The following XIST variants were observed in gnomAD, a reference collection of about 807,000 sequenced individuals.
XIST encodes X inactive specific transcript, also known as X inactive specific transcript (non-protein coding).
exon 6 of XIST, chrX:73,820,657 T>C: frequency 1.9e-6 from 1 of 515,759 alleles, no homozygotes; most frequent in Non-Finnish European, 3.5e-6. Flanking sequence ...AATACAAAGT[T>C]TTCAAAACAG....
chrX:73,822,272 T>C (rs1922137840), exon 6 of XIST: 1 of 556,509 alleles, frequency 1.8e-6, no homozygotes, highest in Non-Finnish European at 3.2e-6. Context: ...AGGAGCAAGC[T>C]CACTACAAAA....
At position 73,831,282 on chromosome X, in the gene XIST, G is replaced by A. The variant is rs1239307303; in HGVS notation, n.11544-8C>T. On this transcript the variant is annotated splice_polypyrimidine_tract_variant and splice_region_variant and intron_variant and non_coding_transcript_variant, in intron 3 of 5. Coordinates refer to ENST00000429829, the Ensembl canonical transcript of XIST. Reference sequence around the variant, plus strand: ...TATTCTTCTGAGGAAGATCTGAAAAGAGATAAAAGAAAAAGTATTGAAATG... The same window carrying A: ...TATTCTTCTGAGGAAGATCTGAAAAAAGATAAAAGAAAAAGTATTGAAATG... The A allele has an allele frequency of 5.8e-6, 3 of 517,205 alleles. No individual in the cohort carries two copies. The East Asian group carries it at 1.0e-4, about 18-fold the overall frequency. The allele number at this position is 517,205 out of a possible 1,213,427, so 42.6% of individuals were successfully genotyped here.
exon 6 of XIST, chrX:73,823,062 T>A: frequency 1.8e-6 from 1 of 553,015 alleles, no homozygotes. Context: ...ATCTTTTTTT[T>A]ATTGCTCATA....
intron 1 of XIST, among the ~76,000 whole-genome samples, chrX:73,838,493 G>GA (rs1175135871): frequency 2.7e-5 from 3 of 109,908 alleles, no homozygotes; most frequent in African/African-American, 9.9e-5. Flanking sequence ...ATCCTAACAT[G>GA]AAAAAAAATA....
At position 73,842,066 on chromosome X, in the gene XIST, G is replaced by A. The variant is rs182069786; in HGVS notation, n.10658C>T. Reference sequence around the variant, plus strand: ...CAGACCCACCACCCTCAGTTAAAATGAGAGACACTGGTCACCAGGTACATA... The same window carrying A: ...CAGACCCACCACCCTCAGTTAAAATAAGAGACACTGGTCACCAGGTACATA... On this transcript the variant is annotated non_coding_transcript_exon_variant, in exon 1 of 6. Transcript: ENST00000429829. The A allele has an allele frequency of 3.8e-5, 21 of 547,819 alleles. No individual in the cohort carries two copies. In the East Asian group the frequency reaches 6.9e-4, roughly 18 times the overall value. 45.1% of individuals were successfully genotyped at this position (547,819 alleles called of 1,213,427 possible).
exon 6 of XIST, chrX:73,825,998 G>A (rs750242984): frequency 1.8e-6 from 1 of 558,878 alleles, no homozygotes. Flanking sequence ...CAAATTATTT[G>A]GCCACTACTA....
exon 6 of XIST, chrX:73,827,166 G>A: frequency 1.8e-6 from 1 of 558,605 alleles, no homozygotes; most frequent in Non-Finnish European, 3.2e-6. Context: ...CTAGGGCCTT[G>A]TTTTGGTCTT....
intron 2 of XIST, among the ~76,000 whole-genome samples, chrX:73,834,013 GCCAAA>G: frequency 9.0e-6 from 1 of 111,599 alleles, no homozygotes. Flanking sequence ...CTTTAAAAAG[GCCAAA>G]CTGTTCTATG....
exon 6 of XIST, chrX:73,827,103 C>A: frequency 3.6e-6 from 2 of 558,780 alleles, no homozygotes; most frequent in Middle Eastern, 6.2e-4. Context: ...GGCCTTCTAT[C>A]CATATGAGCC....
chrX:73,845,499 A>G (rs1922729678), exon 1 of XIST: 3 of 556,182 alleles, frequency 5.4e-6, no homozygotes, highest in African/African-American at 2.3e-5. Flanking sequence ...GGTGGAAGGG[A>G]AAGGAAGATT....
rs1366512845 is a variant in XIST at position 73,827,817 on chromosome X, G to A, written n.12084C>T. Reference sequence around the variant, plus strand: ...GAAATAGCAACAAAATGAAAAATGAGAGATATGTCTAAGACAAGACACAGA... The same window carrying A: ...GAAATAGCAACAAAATGAAAAATGAAAGATATGTCTAAGACAAGACACAGA... On this transcript the variant is annotated non_coding_transcript_exon_variant, in exon 6 of 6. Coordinates refer to ENST00000429829, the Ensembl canonical transcript of XIST. The A allele has an allele frequency of 1.3e-5, 7 of 531,382 alleles. No homozygotes were observed. In the Admixed American group the frequency reaches 1.7e-4, roughly 13 times the overall value. The allele number at this position is 531,382 out of a possible 1,213,427, so 43.8% of individuals were successfully genotyped here. A position where few individuals can be genotyped will look rare whatever the true frequency, so the allele number is the denominator to read the frequency against.
At chrX:73,841,847 T>C in exon 1 of XIST, 1 of 514,229 alleles carries the variant, frequency 1.9e-6, no homozygotes, top group Non-Finnish European at 3.5e-6. Context: ...TGTTCCCTCA[T>C]TTAATCGTTT....
chrX:73,850,377 T>G (rs774128417), exon 1 of XIST: 2 of 535,294 alleles, frequency 3.7e-6, no homozygotes, highest in South Asian at 4.9e-5. Flanking sequence ...AAGTGAATTC[T>G]ACAAATAAAG....
chrX:73,848,879 A>G (rs191943671), exon 1 of XIST: 50 of 555,663 alleles, frequency 9.0e-5, no homozygotes, highest in African/African-American at 8.3e-4. Flanking sequence ...GGTAGTTCAC[A>G]CTATCTAGGA....
At chrX:73,826,965 A>G (rs1212260465) in exon 6 of XIST, 1 of 558,421 alleles carries the variant, frequency 1.8e-6, no homozygotes, top group Non-Finnish European at 3.2e-6. Flanking sequence ...AATTCAGGCC[A>G]CCCTCTGTTT....
In XIST at chrX:73,844,730, G is replaced by A. The variant is rs771372847; in HGVS notation, n.7994C>T. 6 of 557,144 alleles carry A rather than the reference G, an allele frequency of 1.1e-5. No individual in the cohort carries two copies. In the Admixed American group the frequency reaches 1.3e-4, roughly 12 times the overall value. The allele number at this position is 557,144 out of a possible 1,213,427, so 45.9% of individuals were successfully genotyped here. A position where few individuals can be genotyped will look rare whatever the true frequency, so the allele number is the denominator to read the frequency against. The stretch of plus-strand genomic sequence containing the variant: ...CACACATAACAGGCCAGGAAAATGG[G>A]CCTTGGTTATCAGCACCCCTGCTGT... On this transcript the variant is annotated non_coding_transcript_exon_variant, in exon 1 of 6. Transcript: ENST00000429829.
At chrX:73,821,489 A>C in exon 6 of XIST, 1 of 557,281 alleles carries the variant, frequency 1.8e-6, no homozygotes. Flanking sequence ...TTGGACAAAA[A>C]TAATACTTTT....
exon 1 of XIST, chrX:73,851,895 G>A (rs749065250): frequency 1.8e-6 from 1 of 558,072 alleles, no homozygotes; most frequent in Admixed American, 2.2e-5. Context: ...AAAGCGGTAG[G>A]TACACTCACA....
exon 1 of XIST, chrX:73,842,341 T>C (rs1922614415): frequency 1.8e-6 from 1 of 554,079 alleles, no homozygotes; most frequent in Admixed American, 2.2e-5. Flanking sequence ...GACAATTTTA[T>C]AGTGTACACT....
Sources: allele counts gnomAD v4.1 joint callset (sites outside exome capture counted in the v4.1 genomes callset), GRCh38; gene constraint gnomAD v4.1.1; transcripts MANE v1.5; gene names NCBI Gene and HGNC (gene_info 2026-07-23, HGNC 2026-07-21).